Variants in RALGAPA2 observed in about 807,000 individuals in gnomAD.
RALGAPA2 encodes the protein ral GTPase-activating protein subunit alpha-2.
A neutral mutation model predicts 230.4 loss-of-function variants in RALGAPA2; 139 were observed. The ratio of observed to expected loss-of-function variants is 0.60; its 90% confidence interval spans 0.53 to 0.69. RALGAPA2 has a LOEUF of 0.69. RALGAPA2 is among the 30% of genes least tolerant of loss of function. The pLI is 0.00. For missense variants in RALGAPA2, 2,163 were observed against 2,276.0 expected (o/e 0.95, Z 1.01); for synonymous variants, 847 against 837.8 (o/e 1.01, Z -0.19).
At chr20:20,606,195 C>T (rs531978091) in intron 14 of RALGAPA2, among the ~76,000 whole-genome samples, 14 of 152,248 alleles carry the variant, frequency 9.2e-5, no homozygotes, top group African/African-American at 2.6e-4. Context: ...ACGAATGTTC[C>T]ACACCCGCTC....
chr20:20,415,726 T>TA (rs2060151185), intron 37 of RALGAPA2, among the ~76,000 whole-genome samples: 1 of 152,090 alleles, frequency 6.6e-6, no homozygotes, highest in Non-Finnish European at 1.5e-5. Flanking sequence ...GTCTCTAGAA[T>TA]AAAAAATAAA....
chr20:20,422,811 G>A (rs1348770166), intron 37 of RALGAPA2, among the ~76,000 whole-genome samples: 2 of 152,186 alleles, frequency 1.3e-5, no homozygotes, highest in African/African-American at 4.8e-5. Flanking sequence ...AAAAGACATA[G>A]TCTTGTCCTT....
At chr20:20,470,295 C>CCA (rs1271854764) in intron 37 of RALGAPA2, among the ~76,000 whole-genome samples, 1 of 152,160 alleles carries the variant, frequency 6.6e-6, no homozygotes, top group Admixed American at 6.5e-5. Context: ...ATGTAACTGC[C>CCA]CACATTTCCA....
At chr20:20,517,135 G>A (rs1398630737) in intron 31 of RALGAPA2, among the ~76,000 whole-genome samples, 5 of 152,154 alleles carry the variant, frequency 3.3e-5, no homozygotes, top group Admixed American at 2.6e-4. Flanking sequence ...AACAATTCAC[G>A]GTGGCTGCAT....
intron 38 of RALGAPA2, among the ~76,000 whole-genome samples, chr20:20,405,310 G>T (rs545864180): frequency 6.6e-6 from 1 of 152,222 alleles, no homozygotes; most frequent in South Asian, 2.1e-4. Flanking sequence ...TTTGTGTGTG[G>T]CTCACGAGTG....
rs1349227634 is a variant in RALGAPA2 at position 20,680,813 on chromosome 20, A to C, written c.107-12T>G. 1 of 1,556,778 alleles carries C rather than the reference A, an allele frequency of 6.4e-7. No individual in the cohort carries two copies. The highest frequency in any genetic ancestry group is 8.6e-7 in the Non-Finnish European group (1 of 1,158,504). ...TGCATCCACATTATCTGAAAAGAAA[A>C]AGTTTCCATTTATGACAATTCACTT... On this transcript the variant is annotated splice_polypyrimidine_tract_variant and intron_variant, in intron 1 of 39. Transcript: ENST00000202677.
At chr20:20,612,715 T>G (rs2066012213) in intron 13 of RALGAPA2, among the ~76,000 whole-genome samples, 1 of 152,152 alleles carries the variant, frequency 6.6e-6, no homozygotes, top group Non-Finnish European at 1.5e-5. Context: ...GCACACACGC[T>G]GAAGCAGGAT....
intron 23 of RALGAPA2, among the ~76,000 whole-genome samples, chr20:20,562,576 CT>C (rs2064290954): frequency 6.6e-6 from 1 of 152,166 alleles, no homozygotes; most frequent in Non-Finnish European, 1.5e-5. Flanking sequence ...GAAAGAAAGT[CT>C]TTACACCTTT....
chr20:20,604,672 ATT>A (rs577112932), intron 15 of RALGAPA2, among the ~76,000 whole-genome samples: 2 of 142,902 alleles, frequency 1.4e-5, no homozygotes, highest in Non-Finnish European at 3.1e-5. Flanking sequence ...ACATTATGAG[ATT>A]TTTTTTTTTT....
rs2064182167 is a variant in RALGAPA2, at chr20:20,559,281, G to A, written c.3156+12177C>T. On this transcript the variant is annotated intron_variant, in intron 23 of 39. Coordinates refer to ENST00000202677, the MANE Select transcript of RALGAPA2 (RefSeq NM_020343.4). ...TCTACCGACCAACCCTCTAATGTGG[G>A]TGGAGGCCTGGATGAATTAGAATGA... 3.9e-5 allele frequency among the ~76,000 whole-genome samples: 6 copies of A among 152,274 alleles called. No individual in the cohort carries two copies. In the South Asian group the frequency reaches 1.0e-3, roughly 26 times the overall value.
chr20:20,449,686 T>C (rs908733851), intron 37 of RALGAPA2, among the ~76,000 whole-genome samples: 1 of 152,152 alleles, frequency 6.6e-6, no homozygotes, highest in African/African-American at 2.4e-5. Flanking sequence ...GTGATGCACA[T>C]GAACTTGCAT....
chr20:20,542,948 G>T (rs2063687633), intron 24 of RALGAPA2, among the ~76,000 whole-genome samples: 1 of 152,094 alleles, frequency 6.6e-6, no homozygotes, highest in Non-Finnish European at 1.5e-5. Context: ...CACACCAAAA[G>T]AAACTATCAT....
At chr20:20,635,160 T>C (rs1192054082) in intron 9 of RALGAPA2, among the ~76,000 whole-genome samples, 1 of 152,154 alleles carries the variant, frequency 6.6e-6, no homozygotes, top group Non-Finnish European at 1.5e-5. Flanking sequence ...GCCAGGAGTG[T>C]GCACACAACA....
At chr20:20,503,190 A>G (rs1366711321) in intron 35 of RALGAPA2, among the ~76,000 whole-genome samples, 161 bp downstream of exon 35, 2 of 152,180 alleles carry the variant, frequency 1.3e-5, no homozygotes, top group Non-Finnish European at 2.9e-5. Context: ...TCCAAAAGTA[A>G]TAACATTTAA....
At chr20:20,683,753 A>G (rs866911009) in intron 1 of RALGAPA2, among the ~76,000 whole-genome samples, 9 of 152,204 alleles carry the variant, frequency 5.9e-5, no homozygotes, top group African/African-American at 1.7e-4. Context: ...GAAGATGATA[A>G]GCAGGATACA....
At chr20:20,403,792 C>A (rs2059895371) in intron 38 of RALGAPA2, among the ~76,000 whole-genome samples, 1 of 152,212 alleles carries the variant, frequency 6.6e-6, no homozygotes, top group Admixed American at 6.5e-5. Flanking sequence ...TACCCATACA[C>A]ATTCAGCAGC....
intron 2 of RALGAPA2, among the ~76,000 whole-genome samples, chr20:20,680,159 T>G (rs554039367): frequency 6.6e-6 from 1 of 152,350 alleles, no homozygotes; most frequent in African/African-American, 2.4e-5. Flanking sequence ...CTCCCCAGGC[T>G]ACACTATCCT....
intron 38 of RALGAPA2, among the ~76,000 whole-genome samples, chr20:20,401,142 A>G (rs927927383): frequency 6.6e-6 from 1 of 152,212 alleles, no homozygotes; most frequent in African/African-American, 2.4e-5. Context: ...AAAAACATCG[A>G]CTTGTATACT....
At chr20:20,565,908 G>C (rs1053520586) in intron 23 of RALGAPA2, among the ~76,000 whole-genome samples, 5 of 152,202 alleles carry the variant, frequency 3.3e-5, no homozygotes, top group African/African-American at 1.2e-4. Context: ...CCACTGTTTT[G>C]AGATTAAGAA....
Sources: allele counts gnomAD v4.1 joint callset (sites outside exome capture counted in the v4.1 genomes callset), GRCh38; gene constraint gnomAD v4.1.1; transcripts MANE v1.5; gene names NCBI Gene and HGNC (gene_info 2026-07-23, HGNC 2026-07-21).